The following TRAPPC9 variants were observed in gnomAD, a reference collection of about 807,000 sequenced individuals.
TRAPPC9 encodes IKK2 binding protein.
In TRAPPC9, 83 loss-of-function variants were observed where a neutral mutation model predicts 124.0. The ratio of observed to expected loss-of-function variants is 0.67; its 90% CI spans 0.56 to 0.80. The LOEUF is 0.80. TRAPPC9 is among the 30% of genes least tolerant of loss of function. TRAPPC9 has a pLI of 0.00. For synonymous variants in TRAPPC9, 638 were observed against 617.5 expected (o/e 1.03, Z -0.49); for missense variants, 1,302 against 1,508.3 (o/e 0.86, Z 2.27).
chr8:140,382,508 G>C (rs2068637923), intron 7 of TRAPPC9, among the ~76,000 whole-genome samples: 1 of 151,384 alleles, frequency 6.6e-6, no homozygotes, highest in South Asian at 2.1e-4. Context: ...CGCATGGCTG[G>C]GAGGGTCCCA....
At chr8:140,456,776 G>C (rs2071681004) in intron 1 of TRAPPC9, 1 of 985,090 alleles carries the variant, frequency 1.0e-6, no homozygotes, top group Admixed American at 6.1e-5. Flanking sequence ...GTGAGGGATG[G>C]AAGGGAAGTC....
At chr8:140,338,358 T>A (rs2067099500) in intron 9 of TRAPPC9, among the ~76,000 whole-genome samples, 1 of 152,194 alleles carries the variant, frequency 6.6e-6, no homozygotes, top group Non-Finnish European at 1.5e-5. Context: ...AACACAAGCA[T>A]ATAATGTACT....
At chr8:139,899,116 G>A (rs1316672782) in intron 20 of TRAPPC9, among the ~76,000 whole-genome samples, 18 of 35,294 alleles carry the variant, frequency 5.1e-4, no homozygotes, top group East Asian at 4.9e-3. Flanking sequence ...ACAAAACTCC[G>A]TCTCAAAAAA....
chr8:140,080,844 C>T (rs75886964), intron 17 of TRAPPC9, among the ~76,000 whole-genome samples: 493 of 152,322 alleles, frequency 3.2e-3, no homozygotes, highest in Admixed American at 5.2e-3. Context: ...CCTGCAAACA[C>T]GCTCAAGTGC....
At chr8:140,343,262 C>T (rs1174753850) in intron 9 of TRAPPC9, among the ~76,000 whole-genome samples, 1 of 152,182 alleles carries the variant, frequency 6.6e-6, no homozygotes, top group African/African-American at 2.4e-5. Flanking sequence ...TGCTGGGCTG[C>T]GGCCTCAACC....
intron 8 of TRAPPC9, 136 bp downstream of exon 8, chr8:140,370,828 C>G (rs1016887279): frequency 1.0e-6 from 1 of 952,512 alleles, no homozygotes; most frequent in Non-Finnish European, 1.7e-6. Flanking sequence ...AGGCACCCAA[C>G]TCCAGGGCAG....
intron 16 of TRAPPC9, among the ~76,000 whole-genome samples, chr8:140,227,674 A>T (rs2063485301): frequency 6.6e-6 from 1 of 152,246 alleles, no homozygotes; most frequent in Non-Finnish European, 1.5e-5. Context: ...GTGCAGGGGA[A>T]AGAAAAAGCA....
Position 140,087,636 on chromosome 8 carries a change from T to G in TRAPPC9, c.2557-63557A>C, listed in dbSNP as rs1379489869. On this transcript the variant is annotated intron_variant, in intron 17 of 22. Coordinates refer to ENST00000438773, the MANE Select transcript of TRAPPC9 (RefSeq NM_001160372.4). The surrounding 1 kb of genome is among the most constrained non-coding windows in gnomAD (Gnocchi z 4.6). ...TTCAGTGCATCTAAGGTCTGACCAC[T>G]GTCGCCAACCTCCTCTGCTGCCGCC... 6.6e-6 allele frequency among the ~76,000 whole-genome samples: 1 copy of G among 152,192 alleles called. No homozygotes were observed. Among genetic ancestry groups the G allele is most frequent in the African/African-American group, 2.4e-5 (1 of 41,446 alleles).
chr8:140,442,737 G>A (rs1386559384), intron 2 of TRAPPC9, among the ~76,000 whole-genome samples: 1 of 151,810 alleles, frequency 6.6e-6, no homozygotes, highest in Non-Finnish European at 1.5e-5. Context: ...CAAATCCAAA[G>A]AAAAGCTAAA....
intron 16 of TRAPPC9, among the ~76,000 whole-genome samples, chr8:140,226,804 A>T (rs1049997105): frequency 6.6e-6 from 1 of 151,972 alleles, no homozygotes; most frequent in African/African-American, 2.4e-5. Flanking sequence ...AACACAAATC[A>T]GCAATGTTTT....
intron 21 of TRAPPC9, among the ~76,000 whole-genome samples, chr8:139,811,101 A>C (rs953043725): frequency 9.8e-5 from 15 of 152,350 alleles, no homozygotes; most frequent in African/African-American, 3.4e-4. Context: ...AGAAAGTGGC[A>C]ATTAATATTC....
At chr8:139,924,396 C>G (rs768942065) in intron 19 of TRAPPC9, among the ~76,000 whole-genome samples, 6 of 152,156 alleles carry the variant, frequency 3.9e-5, no homozygotes, top group Non-Finnish European at 5.9e-5. Context: ...CAGCAGAGGT[C>G]ACAGAAAATG....
At chr8:139,991,785 G>A (rs1386022451) in intron 18 of TRAPPC9, among the ~76,000 whole-genome samples, 1 of 152,048 alleles carries the variant, frequency 6.6e-6, no homozygotes, top group African/African-American at 2.4e-5. Context: ...GAGTGTGGGA[G>A]ACCAGGCTGC....
In TRAPPC9 at chr8:139,785,809, A is replaced by T. The variant is rs78128296; in HGVS notation, c.3056-53607T>A. 6.9e-3 allele frequency among the ~76,000 whole-genome samples: 1,052 copies of T among 152,340 alleles called. 15 individuals are homozygous for T. Among genetic ancestry groups the T allele is most frequent in the African/African-American group, 0.022 (931 of 41,570 alleles). On this transcript the variant is annotated intron_variant, in intron 21 of 22. Coordinates refer to ENST00000438773, the MANE Select transcript of TRAPPC9 (RefSeq NM_001160372.4). ...GATCTCAAAAGACACTATTAAGAGA[A>T]TGAAAAGACAAGTTACAGATAGGGA... is the stretch of plus-strand genomic sequence containing the variant.
chr8:139,915,284 T>C (rs1003923113), intron 19 of TRAPPC9, among the ~76,000 whole-genome samples: 2 of 152,156 alleles, frequency 1.3e-5, no homozygotes, highest in Non-Finnish European at 2.9e-5. Flanking sequence ...TCTTGCTCTG[T>C]TGGCCAGGCT....
At chr8:139,969,906 GCCAA>G (rs768419339) in intron 19 of TRAPPC9, among the ~76,000 whole-genome samples, 2 of 152,182 alleles carry the variant, frequency 1.3e-5, no homozygotes, top group Non-Finnish European at 2.9e-5. Context: ...TGGTTTTGCC[GCCAA>G]CAGTTCTAAC....
chr8:140,011,501 CTT>C (rs916485762), intron 18 of TRAPPC9, among the ~76,000 whole-genome samples: 3 of 114,632 alleles, frequency 2.6e-5, no homozygotes, highest in African/African-American at 8.6e-5. Flanking sequence ...AGAAGGCATA[CTT>C]TTTTTTTTTT....
chr8:140,392,913 A>G (rs2068969637), intron 7 of TRAPPC9, among the ~76,000 whole-genome samples: 1 of 152,234 alleles, frequency 6.6e-6, no homozygotes, highest in South Asian at 2.1e-4. Context: ...TGAGGCAGAC[A>G]TGTTTGCTGA....
chr8:139,825,894 G>A lies in TRAPPC9; in HGVS notation c.3055+59985C>T, dbSNP rs1245347365. ...AATCAGAATATTTCCTGTGCAAAGC[G>A]CCATGCCAGGCTCTGGTGGGGAGAG... On this transcript the variant is annotated intron_variant, in intron 21 of 22. Coordinates refer to ENST00000438773, the MANE Select transcript of TRAPPC9 (RefSeq NM_001160372.4). This position sits in a 1 kb window ranked among gnomAD's most constrained non-coding sequence, Gnocchi z 4.6. 1.3e-5 allele frequency among the ~76,000 whole-genome samples: 2 copies of A among 152,162 alleles called. No homozygotes were observed. Among genetic ancestry groups the A allele is most frequent in the African/African-American group, 4.8e-5 (2 of 41,442 alleles).
Sources: gnomAD v4.1 joint callset for allele counts (sites outside exome capture counted in the v4.1 genomes callset) on GRCh38, gnomAD v4.1.1 for gene constraint, Gnocchi (gnomAD v3.1) non-coding constraint, MANE v1.5 for transcripts, NCBI Gene and HGNC (gene_info 2026-07-23, HGNC 2026-07-21) for gene names.